RABGAP1L: variants seen among roughly 807,000 people sequenced by gnomAD.
The protein encoded by RABGAP1L is RAB GTPase activating protein 1 like.
RABGAP1L carries 63 observed loss-of-function variants against 137.7 expected under a neutral mutation model. That is an observed-to-expected ratio of 0.46 (90% confidence interval 0.37 to 0.56). The LOEUF (loss-of-function observed/expected upper bound fraction) is 0.56, where lower values mean the gene tolerates loss of function less well. Ranked by LOEUF, RABGAP1L falls within the 20% of genes least tolerant of loss-of-function variation. RABGAP1L has a pLI of 0.00. For missense variants in RABGAP1L, 1,095 were observed against 1,244.0 expected (o/e 0.88, Z 1.80); for synonymous variants, 431 against 433.7 (o/e 0.99, Z 0.08).
At chr1:174,750,112 G>A (rs560519101) in intron 17 of RABGAP1L, among the ~76,000 whole-genome samples, 1 of 152,156 alleles carries the variant, frequency 6.6e-6, no homozygotes, top group East Asian at 1.9e-4. Context: ...CTCGTGATCC[G>A]CCTGCCTCGG....
intron 18 of RABGAP1L, among the ~76,000 whole-genome samples, chr1:174,766,543 C>A (rs1365105630): frequency 1.3e-5 from 2 of 152,190 alleles, no homozygotes; most frequent in Admixed American, 6.5e-5. Flanking sequence ...CAGTTTTGTT[C>A]TTCTCTTTCA....
intron 13 of RABGAP1L, among the ~76,000 whole-genome samples, chr1:174,437,305 A>C (rs1004892369): frequency 2.0e-5 from 3 of 151,988 alleles, no homozygotes; most frequent in Admixed American, 6.6e-5. Context: ...AATGGCAAAG[A>C]AGTTAAAAAC....
At chr1:174,349,710 A>C (rs1298576605) in intron 11 of RABGAP1L, among the ~76,000 whole-genome samples, 3 of 99,380 alleles carry the variant, frequency 3.0e-5, no homozygotes, top group South Asian at 4.3e-4. Context: ...CCTCCCGGAC[A>C]GGGCGGCTGG....
chr1:174,486,020 T>A (rs1045172236), intron 13 of RABGAP1L, among the ~76,000 whole-genome samples: 26 of 152,292 alleles, frequency 1.7e-4, no homozygotes, highest in African/African-American at 6.0e-4. Context: ...TGTTTGTTAT[T>A]GGTCTGTTCA....
chr1:174,590,123 CTTTTTTTTTTTTTTTTTTTT>C (rs1166364912), intron 13 of RABGAP1L, among the ~76,000 whole-genome samples: 1 of 59,780 alleles, frequency 1.7e-5, no homozygotes, highest in African/African-American at 6.4e-5. Context: ...TCTTCAGTTT[CTTTTTTTTTTTTTTTTTTTT>C]TTTTTTTTGT....
In RABGAP1L at chr1:174,869,436, G is replaced by GC. The variant is rs561457127; in HGVS notation, c.2340+57478dup. Among the ~76,000 whole-genome samples the GC allele has an allele frequency of 2.0e-4, 30 of 152,150 alleles. No individual in the cohort carries two copies. In the East Asian group the frequency reaches 5.8e-3, roughly 29 times the overall value. On this transcript the variant is annotated intron_variant, in intron 19 of 25. Transcript: ENST00000681986. ...TCCCCTGCTTTCCCTTCTCTCTCCT[G>GC]CCGCCATGTGAAGAAGGTCCTTGCT...
At chr1:174,298,494 C>CT (rs971049925) in intron 10 of RABGAP1L, among the ~76,000 whole-genome samples, 3 of 152,196 alleles carry the variant, frequency 2.0e-5, no homozygotes, top group African/African-American at 7.2e-5. Context: ...TGCGCTGTGC[C>CT]TTTTAACTTC....
chr1:174,863,568 G>T (rs970301080), intron 19 of RABGAP1L, among the ~76,000 whole-genome samples: 1 of 151,842 alleles, frequency 6.6e-6, no homozygotes, highest in Non-Finnish European at 1.5e-5. Context: ...AGCTACTCGG[G>T]AGGCTGAGGC....
intron 18 of RABGAP1L, among the ~76,000 whole-genome samples, chr1:174,797,466 T>C (rs1688326676): frequency 2.1e-5 from 3 of 146,148 alleles, no homozygotes; most frequent in African/African-American, 7.6e-5. Flanking sequence ...TGTGTCTAAA[T>C]GTGCGTGGTG....
intron 13 of RABGAP1L, among the ~76,000 whole-genome samples, chr1:174,625,821 G>T (rs534672000): frequency 6.6e-6 from 1 of 152,246 alleles, no homozygotes; most frequent in East Asian, 1.9e-4. Context: ...AAATAGGCAT[G>T]TTTCTCAAAC....
At chr1:174,815,413 A>G (rs1056295999) in intron 19 of RABGAP1L, among the ~76,000 whole-genome samples, 2 of 152,258 alleles carry the variant, frequency 1.3e-5, no homozygotes, top group African/African-American at 4.8e-5. Context: ...AAGATTAAAG[A>G]TAGAATTTCT....
intron 19 of RABGAP1L, among the ~76,000 whole-genome samples, chr1:174,895,417 C>CTT (rs36080842): frequency 0.019 from 2,473 of 133,438 alleles, 69 homozygotes; most frequent in African/African-American, 0.06. Flanking sequence ...TATTCTAATT[C>CTT]TTTTTTTTTT....
At chr1:174,866,291 AATT>A (rs1651237933) in intron 19 of RABGAP1L, among the ~76,000 whole-genome samples, 1 of 152,202 alleles carries the variant, frequency 6.6e-6, no homozygotes, top group Admixed American at 6.5e-5. Context: ...TAACATAAAA[AATT>A]AACTGTCATT....
At chr1:174,184,314 G>A (rs1295361587) in intron 1 of RABGAP1L, among the ~76,000 whole-genome samples, 1 of 152,160 alleles carries the variant, frequency 6.6e-6, no homozygotes, top group Non-Finnish European at 1.5e-5. Context: ...CATTTTGGCT[G>A]CTTGCAAGGT....
chr1:174,780,938 A>G (rs1005336103), intron 18 of RABGAP1L, among the ~76,000 whole-genome samples: 2 of 151,612 alleles, frequency 1.3e-5, no homozygotes, highest in Admixed American at 6.6e-5. Context: ...CATGGTGTAT[A>G]TGTGCCACAT....
intron 17 of RABGAP1L, among the ~76,000 whole-genome samples, chr1:174,751,117 CT>C (rs959880687): frequency 5.2e-4 from 79 of 151,880 alleles, no homozygotes; most frequent in Non-Finnish European, 1.6e-4. Flanking sequence ...TTTCCTATTG[CT>C]TTTGGTTTCT....
At chr1:174,330,916 C>A (rs2148862908) in intron 11 of RABGAP1L, among the ~76,000 whole-genome samples, 1 of 152,298 alleles carries the variant, frequency 6.6e-6, no homozygotes, top group South Asian at 2.1e-4. Context: ...CTGGAGACAT[C>A]ATGCTACCTG....
intron 1 of RABGAP1L, among the ~76,000 whole-genome samples, chr1:174,201,610 T>G (rs545470843): frequency 1.2e-4 from 19 of 152,260 alleles, no homozygotes; most frequent in Admixed American, 3.3e-4. Flanking sequence ...TTCTTTTTTT[T>G]GTTAAACTAC....
chr1:174,258,147 G>C (rs1380192864), intron 7 of RABGAP1L, among the ~76,000 whole-genome samples: 1 of 152,122 alleles, frequency 6.6e-6, no homozygotes, highest in Non-Finnish European at 1.5e-5. Context: ...TAAATTCTTG[G>C]ATTTTTCTAT....
Sources: gnomAD v4.1 joint callset for allele counts (sites outside exome capture counted in the v4.1 genomes callset) on GRCh38, gnomAD v4.1.1 for gene constraint, MANE v1.5 for transcripts, NCBI Gene and HGNC (gene_info 2026-07-23, HGNC 2026-07-21) for gene names.